Variants in MLLT3 observed in about 807,000 individuals in gnomAD.
The protein encoded by MLLT3 is MLLT3 super elongation complex subunit.
Under a neutral mutation model 53.2 loss-of-function variants are expected in MLLT3, and 4 were observed. The observed-to-expected ratio is 0.08, with a 90% CI of 0.04 to 0.17. The LOEUF (loss-of-function observed/expected upper bound fraction) is 0.17, where lower values mean the gene tolerates loss of function less well. MLLT3 is among the 10% of genes least tolerant of loss of function. The pLI is 1.00. For synonymous variants in MLLT3, 283 were observed against 230.6 expected (o/e 1.23, Z -2.06); for missense variants, 569 against 684.0 (o/e 0.83, Z 1.87).
intron 2 of MLLT3, among the ~76,000 whole-genome samples, chr9:20,521,574 C>G (rs1818059783): frequency 6.6e-6 from 1 of 152,056 alleles, no homozygotes; most frequent in African/African-American, 2.4e-5. Context: ...ACTCAAGCCT[C>G]TATGGTGGCT....
chr9:20,538,037 T>TA (rs1346866281), intron 2 of MLLT3, among the ~76,000 whole-genome samples: 2 of 152,188 alleles, frequency 1.3e-5, no homozygotes, highest in African/African-American at 4.8e-5. Context: ...CTTGAGAAGA[T>TA]AAAGTCTCCC....
Position 20,621,852 on chromosome 9 carries a change from CCGG to C in MLLT3, c.12+390_12+392del, listed in dbSNP as rs1821022604. On this transcript the variant is annotated intron_variant, in intron 1 of 10. Coordinates refer to ENST00000380338, the MANE Select transcript of MLLT3 (RefSeq NM_004529.4). The surrounding 1 kb of genome is among the most constrained non-coding windows in gnomAD (Gnocchi z 7.0). ...CGTCCCCGGACTGTGCCCGCAGCTC[CCGG>C]CGGCGGCGGCTGAAATATGGCTGAG... is the stretch of plus-strand genomic sequence containing the variant. 8.6e-5 allele frequency: 119 copies of C among 1,385,660 alleles called. No individual in the cohort carries two copies. The highest frequency in any genetic ancestry group is 4.0e-4 in the South Asian group (24 of 60,692). The allele number at this position is 1,385,660 out of a possible 1,614,324, so 85.8% of individuals were successfully genotyped here.
intron 4 of MLLT3, among the ~76,000 whole-genome samples, chr9:20,441,959 C>G (rs1392137321): frequency 1.3e-5 from 2 of 152,160 alleles, no homozygotes. Flanking sequence ...CCTGAAAACA[C>G]AGACCTTGGT....
intron 5 of MLLT3, among the ~76,000 whole-genome samples, chr9:20,405,294 A>T (rs1822552193): frequency 6.6e-6 from 1 of 152,232 alleles, no homozygotes. Context: ...GTTTCCAAGT[A>T]CTGTGGCTAC....
chr9:20,445,589 AAAC>A (rs1823674015), intron 4 of MLLT3, among the ~76,000 whole-genome samples: 1 of 152,204 alleles, frequency 6.6e-6, no homozygotes, highest in Admixed American at 6.5e-5. Flanking sequence ...CCAGCTCTAA[AAAC>A]AACCTTTCTG....
At chr9:20,376,376 G>C (rs566054793) in intron 5 of MLLT3, among the ~76,000 whole-genome samples, 1 of 152,156 alleles carries the variant, frequency 6.6e-6, no homozygotes, top group Non-Finnish European at 1.5e-5. Flanking sequence ...GATAGAGCAA[G>C]ATCCTGAGAA....
intron 2 of MLLT3, among the ~76,000 whole-genome samples, chr9:20,552,695 T>C (rs943580213): frequency 5.3e-5 from 8 of 152,312 alleles, no homozygotes; most frequent in East Asian, 3.9e-4. Flanking sequence ...AAGTAATACA[T>C]TCATGTTTTT....
intron 5 of MLLT3, among the ~76,000 whole-genome samples, chr9:20,370,994 C>T (rs1293072088): frequency 6.6e-6 from 1 of 152,110 alleles, no homozygotes; most frequent in Non-Finnish European, 1.5e-5. Context: ...GATAAGGAAG[C>T]AAAACAGCCT....
chr9:20,536,035 T>G (rs1336329614), intron 2 of MLLT3, among the ~76,000 whole-genome samples: 1 of 152,208 alleles, frequency 6.6e-6, no homozygotes, highest in East Asian at 1.9e-4. Context: ...CTGACTGTAA[T>G]TTTTAAAGGG....
chr9:20,512,092 C>A (rs1057133408), intron 2 of MLLT3, among the ~76,000 whole-genome samples: 1 of 152,156 alleles, frequency 6.6e-6, no homozygotes, highest in Non-Finnish European at 1.5e-5. Context: ...TAACCTAGCA[C>A]TACAAGAGCA....
At chr9:20,582,626 C>T (rs966179863) in intron 2 of MLLT3, among the ~76,000 whole-genome samples, 1 of 152,164 alleles carries the variant, frequency 6.6e-6, no homozygotes, top group East Asian at 1.9e-4. Flanking sequence ...CTTACAGTTC[C>T]ATATGGCTGC....
At chr9:20,505,023 G>A (rs1462903402) in intron 2 of MLLT3, among the ~76,000 whole-genome samples, 1 of 152,148 alleles carries the variant, frequency 6.6e-6, no homozygotes, top group Non-Finnish European at 1.5e-5. Context: ...CTCACCATAA[G>A]TCAAAAGACA....
chr9:20,346,254 AT>A lies in MLLT3; in HGVS notation c.*188del. The A allele has an allele frequency of 1.7e-6, 1 of 593,480 alleles. No homozygotes were observed. The highest frequency in any genetic ancestry group is 2.7e-6 in the Non-Finnish European group (1 of 365,042). The allele number at this position is 593,480 out of a possible 1,614,324, so 36.8% of individuals were successfully genotyped here. ...GCTGGTTTGCTTTAACCTCTCCTTT[AT>A]CAAGAGATGATGACTGGCTTTAAAG... On this transcript the variant is annotated 3_prime_UTR_variant, in exon 11 of 11. Coordinates refer to ENST00000380338, the MANE Select transcript of MLLT3 (RefSeq NM_004529.4).
intron 5 of MLLT3, among the ~76,000 whole-genome samples, chr9:20,402,979 A>T (rs1387395965): frequency 6.6e-6 from 1 of 152,208 alleles, no homozygotes. Context: ...AAATGGTAAC[A>T]ACTCACTAGG....
intron 2 of MLLT3, among the ~76,000 whole-genome samples, chr9:20,485,461 C>G (rs1028152744): frequency 6.6e-6 from 1 of 152,098 alleles, no homozygotes; most frequent in Non-Finnish European, 1.5e-5. Context: ...CTAATTGGCT[C>G]CTAGAATGAT....
intron 5 of MLLT3, among the ~76,000 whole-genome samples, chr9:20,390,131 A>G (rs944779045): frequency 6.6e-6 from 1 of 152,232 alleles, no homozygotes; most frequent in Non-Finnish European, 1.5e-5. Flanking sequence ...AAAATATGAA[A>G]CATTAGCCAA....
intron 3 of MLLT3, among the ~76,000 whole-genome samples, chr9:20,451,553 G>A (rs1481175841): frequency 6.6e-6 from 1 of 152,084 alleles, no homozygotes; most frequent in Non-Finnish European, 1.5e-5. Flanking sequence ...TAAGAAAAAA[G>A]TACTCATCAA....
intron 5 of MLLT3, among the ~76,000 whole-genome samples, chr9:20,407,791 G>C (rs1367600810): frequency 6.6e-6 from 1 of 152,024 alleles, no homozygotes; most frequent in Non-Finnish European, 1.5e-5. Context: ...CTATTTCACA[G>C]AGCTGTCTCG....
intron 2 of MLLT3, among the ~76,000 whole-genome samples, chr9:20,492,954 T>C (rs1489710045): frequency 6.6e-6 from 1 of 151,988 alleles, no homozygotes; most frequent in Non-Finnish European, 1.5e-5. Context: ...ATTGATTGTC[T>C]TACCTTTAAA....
Sources: allele counts gnomAD v4.1 joint callset (sites outside exome capture counted in the v4.1 genomes callset), GRCh38; gene constraint gnomAD v4.1.1; non-coding constraint Gnocchi (gnomAD v3.1); transcripts MANE v1.5; gene names NCBI Gene and HGNC (gene_info 2026-07-23, HGNC 2026-07-21).